TRAPPC13: variants seen among roughly 807,000 people sequenced by gnomAD.
TRAPPC13 encodes the protein trafficking protein particle complex subunit 13.
Under a neutral mutation model 54.0 loss-of-function variants are expected in TRAPPC13, and 39 were observed. The ratio of observed to expected loss-of-function variants is 0.72; its 90% CI spans 0.56 to 0.94. The LOEUF (loss-of-function observed/expected upper bound fraction) is 0.94. TRAPPC13 is among the 40% of genes least tolerant of loss of function. TRAPPC13 has a pLI of 0.00. For synonymous variants in TRAPPC13, 148 were observed against 167.7 expected (o/e 0.88, Z 0.91); for missense variants, 386 against 488.1 (o/e 0.79, Z 1.97).
At chr5:65,650,278 C>T (rs1756379021) in intron 5 of TRAPPC13, among the ~76,000 whole-genome samples, 2 of 151,002 alleles carry the variant, frequency 1.3e-5, no homozygotes. Context: ...TCTCCTGCCT[C>T]AGCCTCCTGA....
At chr5:65,645,363 T>G (rs1045419959) in intron 4 of TRAPPC13, among the ~76,000 whole-genome samples, 11 of 152,186 alleles carry the variant, frequency 7.2e-5, no homozygotes, top group African/African-American at 1.2e-4. Context: ...ATGAATAATA[T>G]GCTTAGAACA....
chr5:65,629,728 CA>C, intron 1 of TRAPPC13: 2 of 1,536,068 alleles, frequency 1.3e-6, no homozygotes, highest in Non-Finnish European at 1.7e-6. Context: ...ATGATGGGTC[CA>C]AGCTTCCACT....
intron 1 of TRAPPC13, chr5:65,625,377 G>C: frequency 2.3e-6 from 1 of 428,144 alleles, no homozygotes; most frequent in Middle Eastern, 5.8e-4. Flanking sequence ...CTGACGTCCC[G>C]CTCCTACCGT....
At chr5:65,648,904 G>A (rs1265587471) in intron 5 of TRAPPC13, among the ~76,000 whole-genome samples, 1 of 151,912 alleles carries the variant, frequency 6.6e-6, no homozygotes, top group Non-Finnish European at 1.5e-5. Flanking sequence ...ACACACAATA[G>A]ACAGTATTTT....
At position 65,654,564 on chromosome 5, in the gene TRAPPC13, A is replaced by G. The variant is rs536530640; in HGVS notation, c.547-1072A>G. Among the ~76,000 whole-genome samples, 6 of 152,306 alleles carry G rather than the reference A, an allele frequency of 3.9e-5. No homozygotes were observed. In the South Asian group the frequency reaches 1.0e-3, roughly 26 times the overall value. Reference sequence around the variant, plus strand: ...CATGAGGCAGATTATGTTGACCCCAACCAGGAATTTCAGGTAGATTGTAGG... The same window carrying G: ...CATGAGGCAGATTATGTTGACCCCAGCCAGGAATTTCAGGTAGATTGTAGG... On this transcript the variant is annotated intron_variant, in intron 7 of 12. Transcript: ENST00000399438.
Position 65,630,367 on chromosome 5 carries a change from T to TGAATGAATGAATGA in TRAPPC13, c.47-4934_47-4933insGAATGAATGAATGA, listed in dbSNP as rs1378843170. The TGAATGAATGAATGA allele has an allele frequency of 2.1e-6, 3 of 1,458,024 alleles. No individual in the cohort carries two copies. In the African/African-American group the frequency reaches 4.3e-5, roughly 21 times the overall value. 90.3% of individuals were successfully genotyped at this position (1,458,024 alleles called of 1,614,324 possible). ...GAATTCCACTGATTGTCAAAAAGAA[T>TGAATGAATGAATGA]ATTCTGAATGAAATGAATATGGATT... On this transcript the variant is annotated intron_variant, in intron 1 of 12. Coordinates refer to ENST00000399438, the MANE Select transcript of TRAPPC13 (RefSeq NM_024941.4).
intron 4 of TRAPPC13, among the ~76,000 whole-genome samples, chr5:65,640,839 TATA>T (rs1402664484): frequency 6.6e-6 from 1 of 152,204 alleles, no homozygotes; most frequent in Non-Finnish European, 1.5e-5. Flanking sequence ...TATTCACTTT[TATA>T]ATAATAATTA....
intron 1 of TRAPPC13, among the ~76,000 whole-genome samples, chr5:65,633,563 C>A (rs936391390): frequency 6.6e-6 from 1 of 152,116 alleles, no homozygotes; most frequent in Non-Finnish European, 1.5e-5. Flanking sequence ...CCACTGTGCC[C>A]AGCCAGATTT....
At chr5:65,629,404 C>T in intron 1 of TRAPPC13, 2 of 1,238,414 alleles carry the variant, frequency 1.6e-6, no homozygotes, top group Non-Finnish European at 2.1e-6. Context: ...TTCCTTTTCT[C>T]CCTGCCTGTT....
rs370026098 is a variant in TRAPPC13, at chr5:65,635,345, A to G, written c.91A>G (p.Thr31Ala). The G allele has an allele frequency of 6.8e-6, 11 of 1,613,426 alleles. No individual in the cohort carries two copies. The highest frequency in any genetic ancestry group is 9.3e-6 in the Non-Finnish European group (11 of 1,179,654). ...TACTTTATTCACCAATATCCCAGTA[A>G]CATGTGAAGAGAAAGACTTACCTGG... ...KPTLFTNIPV[T>A]CEEKDLPGDL... The change falls in exon 2 of 13, where the codon ACA becomes GCA. Residue 31 changes from threonine (T) to alanine (A), a missense_variant. Physicochemically the swap from Thr to Ala is moderately conservative, Grantham distance 58 (BLOSUM62 0). Coordinates refer to ENST00000399438, the MANE Select transcript of TRAPPC13 (RefSeq NM_024941.4).
chr5:65,640,866 A>T (rs953624254), intron 4 of TRAPPC13, among the ~76,000 whole-genome samples: 10 of 152,034 alleles, frequency 6.6e-5, no homozygotes, highest in African/African-American at 2.4e-4. Context: ...GCAGTGTAGT[A>T]CTCACTAGGG....
intron 1 of TRAPPC13, among the ~76,000 whole-genome samples, chr5:65,634,236 T>C (rs919337624): frequency 1.2e-4 from 19 of 152,016 alleles, no homozygotes; most frequent in Admixed American, 4.6e-4. Flanking sequence ...CCGCCCGCCT[T>C]GGCCTCCCAA....
At chr5:65,656,832 G>A (rs555186924) in intron 8 of TRAPPC13, among the ~76,000 whole-genome samples, 1 of 152,170 alleles carries the variant, frequency 6.6e-6, no homozygotes, top group Non-Finnish European at 1.5e-5. Context: ...CTTGAACTCA[G>A]GAGGCAGAGG....
chr5:65,654,437 T>C (rs1375211453), intron 7 of TRAPPC13, among the ~76,000 whole-genome samples: 1 of 152,164 alleles, frequency 6.6e-6, no homozygotes, highest in Admixed American at 6.5e-5. Flanking sequence ...CTTTTGAAAA[T>C]AGATCTCACT....
intron 6 of TRAPPC13, among the ~76,000 whole-genome samples, chr5:65,651,859 T>G (rs1447858661): frequency 9.1e-4 from 101 of 111,426 alleles, no homozygotes; most frequent in African/African-American, 3.9e-3. Flanking sequence ...TTTTTTTTTT[T>G]TTTTTTTTTT....
intron 4 of TRAPPC13, among the ~76,000 whole-genome samples, chr5:65,641,233 C>G (rs1251275831): frequency 6.6e-6 from 1 of 152,100 alleles, no homozygotes; most frequent in African/African-American, 2.4e-5. Flanking sequence ...CATATCTGGC[C>G]AGATAAGCCA....
rs60169195 is a variant in TRAPPC13 at position 65,627,131 on chromosome 5, C to CAA, written c.46+2050_46+2051dup. Among the ~76,000 whole-genome samples the CAA allele has an allele frequency of 4.0e-3, 131 of 32,574 alleles. 33 individuals are homozygous for CAA. The highest frequency in any genetic ancestry group is 9.7e-3 in the African/African-American group (98 of 10,138). The allele number at this position is 32,574 out of a possible 152,430, so 21.4% of individuals were successfully genotyped here. ...TGGGTGACAGAGTGAGACCCTGTCT[C>CAA]AAAAAAAAAAAAAAAAAAAAAAAAA... On this transcript the variant is annotated intron_variant, in intron 1 of 12. Transcript: ENST00000399438.
intron 2 of TRAPPC13, 148 bp from the exon 3 acceptor site, chr5:65,635,796 T>C: frequency 3.8e-6 from 2 of 521,076 alleles, no homozygotes; most frequent in Non-Finnish European, 6.5e-6. Context: ...ACATGCTTTG[T>C]TGTATTAAAA....
intron 1 of TRAPPC13, among the ~76,000 whole-genome samples, chr5:65,634,364 A>G (rs1266033969): frequency 2.0e-5 from 3 of 152,186 alleles, no homozygotes; most frequent in Non-Finnish European, 4.4e-5. Flanking sequence ...TTATATTAAT[A>G]AGTCAATTAG....
Sources: allele counts gnomAD v4.1 joint callset (sites outside exome capture counted in the v4.1 genomes callset), GRCh38; gene constraint gnomAD v4.1.1; transcripts MANE v1.5; gene names NCBI Gene and HGNC (gene_info 2026-07-23, HGNC 2026-07-21).